The following RBM48 variants were observed in gnomAD, a reference collection of about 807,000 sequenced individuals.
RBM48 encodes the protein RNA binding motif protein 48, also known as RNA-binding protein 48.
A neutral mutation model predicts 34.8 loss-of-function variants in RBM48; 32 were observed. That is an observed-to-expected ratio of 0.92 (90% CI 0.69 to 1.23). The LOEUF (loss-of-function observed/expected upper bound fraction) is 1.23, where lower values mean the gene tolerates loss of function less well. Among genes scored for constraint, RBM48 ranks in the 50% most tolerant of loss-of-function variants. The pLI is 0.00. For synonymous variants in RBM48, 151 were observed against 156.2 expected, an observed-to-expected ratio of 0.97 and a Z score of 0.25; for missense variants, 441 against 447.2, an observed-to-expected ratio of 0.99 and a Z score of 0.12.
rs781311353 is a variant in RBM48 at position 92,538,919 on chromosome 7, G to A, written c.*1982G>A. On this transcript the variant is annotated 3_prime_UTR_variant, in exon 5 of 5. Transcript: ENST00000265732. ...GTTCCTGATAGTCCTGTGACCATGC[G>A]GAAGCCAGCACTCCTCATCCCCACC... 2.6e-5 allele frequency among the ~76,000 whole-genome samples: 4 copies of A among 152,258 alleles called. No homozygotes were observed. Among genetic ancestry groups the A allele is most frequent in the East Asian group, 1.9e-4 (1 of 5,186 alleles).
intron 3 of RBM48, 86 bp from the exon 4 acceptor site, chr7:92,534,316 T>G: frequency 6.8e-7 from 1 of 1,463,910 alleles, no homozygotes; most frequent in Non-Finnish European, 9.3e-7. Context: ...TTTAAGTGAT[T>G]TTTTTAAATT....
intron 4 of RBM48, chr7:92,535,388 T>A (rs1793684994): frequency 9.5e-7 from 1 of 1,053,044 alleles, no homozygotes. Flanking sequence ...AATGCTTAAT[T>A]TGCTTTTGTG....
rs1793651278 is a variant in RBM48, at chr7:92,534,428, G to A, written c.475G>A (p.Val159Ile). The A allele has an allele frequency of 1.2e-6, 2 of 1,612,372 alleles. No homozygotes were observed. The highest frequency in any genetic ancestry group is 2.2e-5 in the East Asian group (1 of 44,876). The change falls in exon 4 of 5, where the codon GTT (valine) becomes ATT (isoleucine). Residue 159 changes from valine to isoleucine, a missense_variant. Coordinates refer to ENST00000265732, the MANE Select transcript of RBM48 (RefSeq NM_032120.4). ...CCATTACGTGACAAAGAAGAAATTG[G>A]TTACAGAGCATAAAGACACAGAGGA... Reference protein sequence around the residue: ...KDHYVTKKKLVTEHKDTEDFR... With the variant: ...KDHYVTKKKLITEHKDTEDFR...
rs756595682 is a variant in RBM48 at position 92,528,904 on chromosome 7, C to A, written c.91C>A (p.Arg31=). ...CDTRAKYREG[R]RPRAVKVYTI... ...CACACGGGCCAAATATCGAGAGGGA[C>A]GACGGCCTCGTGCTGTGAAGGTAAA... is the stretch of plus-strand genomic sequence containing the variant. The change falls in exon 1 of 5, where the codon CGA becomes AGA. Residue 31 remains arginine, a synonymous_variant. Coordinates refer to ENST00000265732, the MANE Select transcript of RBM48 (RefSeq NM_032120.4). The A allele has an allele frequency of 1.2e-6, 2 of 1,613,642 alleles. No homozygotes were observed. Among genetic ancestry groups the A allele is most frequent in the Admixed American group, 3.3e-5 (2 of 59,982 alleles).
In RBM48 at chr7:92,537,412, A is replaced by G. The variant is rs1310843742; in HGVS notation, c.*475A>G. 6.6e-6 allele frequency: 1 copy of G among 152,548 alleles called. No homozygotes were observed. The highest frequency in any genetic ancestry group is 2.4e-5 in the African/African-American group (1 of 41,428). 9.4% of individuals were successfully genotyped at this position (152,548 alleles called of 1,614,324 possible). A position where few individuals can be genotyped will look rare whatever the true frequency, so the allele number is the denominator to read the frequency against. On this transcript the variant is annotated 3_prime_UTR_variant, in exon 5 of 5. Transcript: ENST00000265732. ...ACCCATACTTAATGTTGCAGAAACT[A>G]TTCTTGTCATAACATTATCTCTCAT...
At chr7:92,536,171 T>C in intron 4 of RBM48, 1 of 985,462 alleles carries the variant, frequency 1.0e-6, no homozygotes, top group Non-Finnish European at 1.2e-6. Flanking sequence ...CCTTACTTCC[T>C]TCCTTCAGTT....
Sources: allele counts gnomAD v4.1 joint callset (sites outside exome capture counted in the v4.1 genomes callset), GRCh38; gene constraint gnomAD v4.1.1; transcripts MANE v1.5; gene names NCBI Gene and HGNC (gene_info 2026-07-23, HGNC 2026-07-21).